The following IDH2 variants were observed in gnomAD, a reference collection of about 807,000 sequenced individuals.
IDH2 encodes the protein isocitrate dehydrogenase (NADP(+)) 2, also known as isocitrate dehydrogenase [NADP], mitochondrial.
A neutral mutation model predicts 50.5 loss-of-function variants in IDH2; 18 were observed. That is an observed-to-expected ratio of 0.36 (90% confidence interval 0.25 to 0.53). IDH2 has a LOEUF of 0.53. Ranked by LOEUF, IDH2 falls within the 20% of genes least tolerant of loss-of-function variation. The probability of loss-of-function intolerance (pLI) is 0.92; values close to 1 mark genes in which losing one functional copy is unlikely to be tolerated. For synonymous variants in IDH2, 280 were observed against 239.8 expected (o/e 1.17, Z -1.55); for missense variants, 518 against 610.7 (o/e 0.85, Z 1.60).
At position 90,086,882 on chromosome 15, in the gene IDH2, C is replaced by T. The variant is rs115611692; in HGVS notation, c.967+230G>A. On this transcript the variant is annotated intron_variant, in intron 7 of 10. Coordinates refer to ENST00000330062, the MANE Select transcript of IDH2 (RefSeq NM_002168.4). ...GGCTGTCAACCTAGCCCTGGAATTC[C>T]TGTGCCCTCCTTTCTCTCTAAGAGC... Among the ~76,000 whole-genome samples the T allele has an allele frequency of 2.0e-3, 298 of 152,276 alleles. 3 individuals carry two copies. Among genetic ancestry groups the T allele is most frequent in the African/African-American group, 6.8e-3 (281 of 41,556 alleles).
rs770463292 is a variant in IDH2, at chr15:90,085,046, CCA to C, written c.1131_1132del (p.Gly378ProfsTer101). 1 of 1,613,888 alleles carries C rather than the reference CCA, an allele frequency of 6.2e-7. No individual in the cohort carries two copies. ...ATCCAGCTTCCCCCGGTGCTCCAGG[CCA>C]CGTGTCCAGGCAAAGATGCTGGCGA... On this transcript the variant is annotated frameshift_variant, in exon 9 of 11. Transcript: ENST00000330062. LOFTEE classifies it high-confidence loss of function. This position sits in a 1 kb window ranked among gnomAD's most constrained non-coding sequence, Gnocchi z 5.5.
chr15:90,085,151 C>A lies in IDH2; in HGVS notation c.1081-53G>T. ...AGAGCCGAGCCAGCTAGTGAGGAGG[C>A]TGCCCAGATACAGCTGCCCGCCCCT... On this transcript the variant is annotated intron_variant, in intron 8 of 10. Coordinates refer to ENST00000330062, the MANE Select transcript of IDH2 (RefSeq NM_002168.4). The surrounding 1 kb of genome is among the most constrained non-coding windows in gnomAD (Gnocchi z 5.5). 1 of 1,579,010 alleles carries A rather than the reference C, an allele frequency of 6.3e-7. No individual in the cohort carries two copies.
At chr15:90,088,172 C>A (rs1205083613) in intron 5 of IDH2, among the ~76,000 whole-genome samples, 187 bp downstream of exon 5, 3 of 152,130 alleles carry the variant, frequency 2.0e-5, no homozygotes, top group Non-Finnish European at 4.4e-5. Flanking sequence ...TGGTCTCAAG[C>A]AATCCTGCCT....
At chr15:90,099,212 C>A (rs1377945528) in intron 1 of IDH2, among the ~76,000 whole-genome samples, 4 of 152,134 alleles carry the variant, frequency 2.6e-5, no homozygotes, top group Admixed American at 6.5e-5. Context: ...TCAAAAATGG[C>A]CTGTGAGCCC....
At chr15:90,093,223 C>G (rs1436312605) in intron 1 of IDH2, among the ~76,000 whole-genome samples, 1 of 152,208 alleles carries the variant, frequency 6.6e-6, no homozygotes, top group Non-Finnish European at 1.5e-5. Context: ...GTCTCTTTAT[C>G]TCTCTCTGTT....
chr15:90,090,698 A>G (rs1901012710), intron 2 of IDH2, 54 bp from the exon 3 acceptor site: 2 of 1,581,754 alleles, frequency 1.3e-6, no homozygotes, highest in Admixed American at 3.3e-5. Flanking sequence ...GGGACATGAC[A>G]ACAAAGGGCA....
In IDH2 at chr15:90,088,659, G is replaced by A. The variant is rs752501933; in HGVS notation, c.462C>T (p.Cys154=). The A allele has an allele frequency of 6.2e-7, 1 of 1,614,194 alleles. No individual in the cohort carries two copies. The highest frequency in any genetic ancestry group is 8.5e-7 in the Non-Finnish European group (1 of 1,180,028). ...GGTVFREPII[C]KNIPRLVPGW... is the part of the protein sequence containing the mutation. ...CAGGGACTAGGCGTGGGATGTTTTT[G>A]CAGATGATGGGCTCCCGGAAGACAG... The change falls in exon 4 of 11, where the codon TGC becomes TGT. Residue 154 remains cysteine (C), a synonymous_variant. Coordinates refer to ENST00000330062, the MANE Select transcript of IDH2 (RefSeq NM_002168.4).
chr15:90,088,615 G>C lies in IDH2; in HGVS notation c.506C>G (p.Thr169Ser), dbSNP rs762004020. ...GTCGCCATGGGCGTGCCTGCCAATG[G>C]TGATGGGCTTGGTCCAGCCAGGGAC... ...RLVPGWTKPI[T>S]IGRHAHGDQY... Residue 169 changes from threonine (T) to serine (S), a missense_variant, in exon 4 of 11, where the codon ACC becomes AGC. Transcript: ENST00000330062. 4 of 1,614,118 alleles carry C rather than the reference G, an allele frequency of 2.5e-6. No homozygotes were observed. The African/African-American group carries it at 5.3e-5, about 22-fold the overall frequency.
chr15:90,087,554 T>C lies in IDH2; in HGVS notation c.700A>G (p.Ser234Gly). Residue 234 changes from serine (S) to glycine (G), a missense_variant, in exon 6 of 11, where the codon AGC (serine) becomes GGC (glycine). Around this residue, in one of 5 missense-constraint regions of IDH2, gnomAD observed 207 missense variants for 208.6 expected, o/e 0.99. Transcript: ENST00000330062. ...TDESISGFAHSCFQYAIQKKW... is the reference protein window; with the variant it reads ...TDESISGFAHGCFQYAIQKKW... ...TTCTGGATGGCATACTGGAAGCAGC[T>C]GTGCGCAAAACCTGAGATGGACTGC... is the stretch of plus-strand genomic sequence containing the variant. 1 of 1,613,732 alleles carries C rather than the reference T, an allele frequency of 6.2e-7. No homozygotes were observed. The highest frequency in any genetic ancestry group is 8.5e-7 in the Non-Finnish European group (1 of 1,180,042).
Position 90,084,265 on chromosome 15 carries a change from C to T in IDH2, c.*1G>A. The T allele has an allele frequency of 6.2e-7, 1 of 1,613,676 alleles. No homozygotes were observed. Among genetic ancestry groups the T allele is most frequent in the African/African-American group, 1.3e-5 (1 of 75,052 alleles). ...ACTGCAGCCATGGGTGGCGCCTCCC[C>T]CTACTGCCTGCCCAGGGCTCTGTCC... On this transcript the variant is annotated 3_prime_UTR_variant, in exon 11 of 11. Coordinates refer to ENST00000330062, the MANE Select transcript of IDH2 (RefSeq NM_002168.4). This position sits in a 1 kb window ranked among gnomAD's most constrained non-coding sequence, Gnocchi z 5.0.
At chr15:90,093,695 C>G (rs1228443580) in intron 1 of IDH2, among the ~76,000 whole-genome samples, 1 of 152,196 alleles carries the variant, frequency 6.6e-6, no homozygotes, top group Non-Finnish European at 1.5e-5. Flanking sequence ...TCTCGGCTCA[C>G]TGCAACCTCT....
rs564635839 is a variant in IDH2 at position 90,087,629 on chromosome 15, G to A, written c.679-54C>T. On this transcript the variant is annotated intron_variant, in intron 5 of 10. Transcript: ENST00000330062. ...TGGTGCCCTAGCCTGGCGATTGCCG[G>A]CAACCTCCCACCTCCCAGGGCAAGG... 16 of 1,608,664 alleles carry A rather than the reference G, an allele frequency of 9.9e-6. No homozygotes were observed. The South Asian group carries it at 1.3e-4, about 13-fold the overall frequency.
intron 2 of IDH2, 83 bp from the exon 3 acceptor site, chr15:90,090,727 C>T (rs1901013460): frequency 7.1e-7 from 1 of 1,415,512 alleles, no homozygotes; most frequent in African/African-American, 1.4e-5. Context: ...AGTCTGCAGG[C>T]CATGGCAGGG....
At chr15:90,094,297 G>A (rs1167934013) in intron 1 of IDH2, among the ~76,000 whole-genome samples, 5 of 152,202 alleles carry the variant, frequency 3.3e-5, no homozygotes, top group African/African-American at 1.2e-4. Flanking sequence ...AGCTGCCTTG[G>A]ACAAGGCTTG....
In IDH2 at chr15:90,091,989, C is replaced by T. The variant is rs114869487; in HGVS notation, c.116-345G>A. The stretch of plus-strand genomic sequence containing the variant: ...CACCTGAGCTCATGCCTGGGAACTG[C>T]GCACACGAGGGATCTAGGTTGCATA... On this transcript the variant is annotated intron_variant, in intron 1 of 10. Coordinates refer to ENST00000330062, the MANE Select transcript of IDH2 (RefSeq NM_002168.4). 3.2e-3 allele frequency among the ~76,000 whole-genome samples: 486 copies of T among 152,256 alleles called. 1 individual carries two copies. The highest frequency in any genetic ancestry group is 0.011 in the African/African-American group (446 of 41,560).
chr15:90,099,492 G>C (rs1901274265), intron 1 of IDH2, among the ~76,000 whole-genome samples: 1 of 152,198 alleles, frequency 6.6e-6, no homozygotes, highest in African/African-American at 2.4e-5. Context: ...GGGGGAGGCA[G>C]GGTCTTGCTT....
intron 1 of IDH2, among the ~76,000 whole-genome samples, chr15:90,093,256 G>A (rs771022426): frequency 1.3e-4 from 20 of 152,172 alleles, no homozygotes; most frequent in Non-Finnish European, 2.1e-4. Context: ...CTCAGACTCC[G>A]GGGCTCAAGC....
In IDH2 at chr15:90,085,272, C is replaced by A; in HGVS notation, c.1080+3G>T. The stretch of plus-strand genomic sequence containing the variant: ...ATTGTGAGGCCCCATGCCCTGCACT[C>A]ACCTTCTGGTGCTCCCGATAGTGGC... On this transcript the variant is annotated splice_donor_region_variant and intron_variant, in intron 8 of 10. Coordinates refer to ENST00000330062, the MANE Select transcript of IDH2 (RefSeq NM_002168.4). This position sits in a 1 kb window ranked among gnomAD's most constrained non-coding sequence, Gnocchi z 5.5. 6.4e-7 allele frequency: 1 copy of A among 1,557,100 alleles called. No individual in the cohort carries two copies. The highest frequency in any genetic ancestry group is 1.9e-5 in the Admixed American group (1 of 51,318).
rs60147683 is a variant in IDH2 at position 90,084,384 on chromosome 15, T to C, written c.1272-31A>G. On this transcript the variant is annotated intron_variant, in intron 10 of 10. Coordinates refer to ENST00000330062, the MANE Select transcript of IDH2 (RefSeq NM_002168.4). This position sits in a 1 kb window ranked among gnomAD's most constrained non-coding sequence, Gnocchi z 5.0. ...GAGAGAGCACCACTCACATCAGGGG[T>C]GGCTCCAGGCCTTGCCAAGGCCATC... The C allele has an allele frequency of 0.25, 391,721 of 1,597,912 alleles. 56,255 individuals are homozygous for C. The highest frequency in any genetic ancestry group is 0.69 in the African/African-American group (51,364 of 74,590).
Sources: gnomAD v4.1 joint callset for allele counts (sites outside exome capture counted in the v4.1 genomes callset) on GRCh38, gnomAD v4.1.1 for gene constraint, gnomAD v4.1.1 regional missense constraint, Gnocchi (gnomAD v3.1) non-coding constraint, MANE v1.5 for transcripts, NCBI Gene and HGNC (gene_info 2026-07-23, HGNC 2026-07-21) for gene names.